The following XRCC2 variants were observed in gnomAD, a reference collection of about 807,000 sequenced individuals.
XRCC2 encodes X-ray repair cross complementing 2, also known as DNA repair protein XRCC2.
XRCC2 carries 24 observed loss-of-function variants against 27.3 expected under a neutral mutation model. The ratio of observed to expected loss-of-function variants is 0.88; its 90% confidence interval spans 0.64 to 1.24. XRCC2 has a LOEUF of 1.24. Among genes scored for constraint, XRCC2 ranks in the 50% most tolerant of loss-of-function variants. The probability of loss-of-function intolerance (pLI) is 0.00; values close to 1 mark genes in which losing one functional copy is unlikely to be tolerated. For synonymous variants in XRCC2, 106 were observed against 115.4 expected (o/e 0.92, Z 0.52); for missense variants, 321 against 325.8 (o/e 0.99, Z 0.11).
chr7:152,651,131 G>A lies in XRCC2; in HGVS notation c.122-1768C>T, dbSNP rs566718890. Among the ~76,000 whole-genome samples, 250 of 152,046 alleles carry A rather than the reference G, an allele frequency of 1.6e-3. 4 individuals are homozygous for A. Among genetic ancestry groups the A allele is most frequent in the African/African-American group, 5.6e-3 (234 of 41,510 alleles). On this transcript the variant is annotated intron_variant, in intron 2 of 2. Transcript: ENST00000359321. ...ATTTTTGTATTTTTGGTAGAGATGG[G>A]GTTTTGCCATGTTGGCCAGGCTGGT...
At chr7:152,660,441 C>T (rs963478091) in intron 2 of XRCC2, among the ~76,000 whole-genome samples, 5 of 152,214 alleles carry the variant, frequency 3.3e-5, no homozygotes, top group African/African-American at 4.8e-5. Flanking sequence ...ACTATAATAA[C>T]AGGACTTGCA....
intron 1 of XRCC2, among the ~76,000 whole-genome samples, chr7:152,667,463 T>C (rs1046471620): frequency 1.3e-5 from 2 of 151,302 alleles, no homozygotes; most frequent in African/African-American, 2.4e-5. Flanking sequence ...CGGGACTCTT[T>C]TGGGCGAAGA....
At chr7:152,674,867 A>G (rs1475257763) in intron 1 of XRCC2, among the ~76,000 whole-genome samples, 1 of 150,586 alleles carries the variant, frequency 6.6e-6, no homozygotes, top group East Asian at 1.9e-4. Context: ...TTATCAAACT[A>G]TGGCCAGCAG....
intron 2 of XRCC2, among the ~76,000 whole-genome samples, chr7:152,654,856 T>TAAC: frequency 6.6e-6 from 1 of 152,338 alleles, no homozygotes; most frequent in South Asian, 2.1e-4. Flanking sequence ...GACACATGAA[T>TAAC]TATCATTAAG....
chr7:152,653,918 G>A (rs970610816), intron 2 of XRCC2, among the ~76,000 whole-genome samples: 16 of 152,088 alleles, frequency 1.1e-4, no homozygotes, highest in African/African-American at 3.9e-4. Flanking sequence ...ATGGTAAGCC[G>A]GGCGCGGTGG....
intron 1 of XRCC2, among the ~76,000 whole-genome samples, chr7:152,668,465 G>T (rs2098036846): frequency 6.6e-6 from 1 of 152,166 alleles, no homozygotes. Context: ...CAGATTCAAG[G>T]AAAGAGTCAA....
At position 152,664,891 on chromosome 7, in the gene XRCC2, T is replaced by A. The variant is rs3218448; in HGVS notation, c.40-4109A>T. 1.8e-4 allele frequency among the ~76,000 whole-genome samples: 28 copies of A among 152,220 alleles called. No individual in the cohort carries two copies. The South Asian group carries it at 5.8e-3, about 32-fold the overall frequency. ...CAACTTCCTGATAAGATCCTAGGAA[T>A]TGAGCAAACATGTCCAGGAATGTGC... On this transcript the variant is annotated intron_variant, in intron 1 of 2. Transcript: ENST00000359321.
At chr7:152,671,545 TTATTA>T (rs2098038197) in intron 1 of XRCC2, among the ~76,000 whole-genome samples, 1 of 152,156 alleles carries the variant, frequency 6.6e-6, no homozygotes, top group African/African-American at 2.4e-5. Context: ...CCTATACTCT[TTATTA>T]TATTTTCCCT....
chr7:152,668,860 C>T (rs1175023470), intron 1 of XRCC2, among the ~76,000 whole-genome samples: 2 of 152,194 alleles, frequency 1.3e-5, no homozygotes, highest in Admixed American at 1.3e-4. Flanking sequence ...ACTGTGGGAT[C>T]AGCAGTACAT....
intron 2 of XRCC2, among the ~76,000 whole-genome samples, chr7:152,658,151 T>TC (rs1347631110): frequency 1.4e-5 from 2 of 138,474 alleles, no homozygotes; most frequent in African/African-American, 5.2e-5. Context: ...TTTCTTTTTC[T>TC]TTTTTTTTTT....
rs2116987897 is a variant in XRCC2, at chr7:152,649,067, G to A, written c.418C>T (p.His140Tyr). The A allele has an allele frequency of 3.1e-6, 5 of 1,614,166 alleles. No homozygotes were observed. The highest frequency in any genetic ancestry group is 4.2e-6 in the Non-Finnish European group (5 of 1,180,040). ...LYSLESMFCS[H>Y]PSLCLLILDS... ...AAAATCAAAAGGCAGAGAGATGGGT[G>A]ACTACAAAACATACTTTCTAGTGAG... The change falls in exon 3 of 3, where the codon CAC becomes TAC. Residue 140 changes from histidine to tyrosine, a missense_variant. His to Tyr is a moderately conservative substitution (Grantham distance 83, BLOSUM62 2). Coordinates refer to ENST00000359321, the MANE Select transcript of XRCC2 (RefSeq NM_005431.2).
At chr7:152,669,990 A>C (rs1021236576) in intron 1 of XRCC2, among the ~76,000 whole-genome samples, 2 of 152,012 alleles carry the variant, frequency 1.3e-5, no homozygotes, top group African/African-American at 4.8e-5. Context: ...AGAAATACAC[A>C]TGGGGCATTG....
chr7:152,651,243 CTTATTA>C (rs770048151), intron 2 of XRCC2, among the ~76,000 whole-genome samples: 1 of 151,936 alleles, frequency 6.6e-6, no homozygotes, highest in African/African-American at 2.4e-5. Context: ...CCTGGCCTTT[CTTATTA>C]TTATCAACAA....
chr7:152,667,710 C>T (rs1343330584), intron 1 of XRCC2, among the ~76,000 whole-genome samples: 1 of 151,984 alleles, frequency 6.6e-6, no homozygotes, highest in Non-Finnish European at 1.5e-5. Flanking sequence ...ATTAACAATT[C>T]ACAAGCCAAG....
intron 2 of XRCC2, among the ~76,000 whole-genome samples, 191 bp from the exon 3 acceptor site, chr7:152,649,554 G>A (rs1240849091): frequency 6.6e-6 from 1 of 152,162 alleles, no homozygotes; most frequent in Admixed American, 6.5e-5. Flanking sequence ...GGGAAGGTTG[G>A]AAGAGGCTAG....
intron 2 of XRCC2, among the ~76,000 whole-genome samples, chr7:152,659,050 G>A (rs1040353224): frequency 6.6e-6 from 1 of 151,958 alleles, no homozygotes; most frequent in Non-Finnish European, 1.5e-5. Flanking sequence ...CCTCCATACT[G>A]TTTTCCATAA....
chr7:152,660,824 AT>A, intron 1 of XRCC2, 42 bp from the exon 2 acceptor site: 1 of 1,503,958 alleles, frequency 6.6e-7, no homozygotes. Flanking sequence ...ATTTAAAAAT[AT>A]AAAATCCTAG....
rs2098025040 is a variant in XRCC2, at chr7:152,644,862, TG to T, written c.*3779del. On this transcript the variant is annotated 3_prime_UTR_variant, in exon 3 of 3. Transcript: ENST00000359321. ...GCTGAAAATGTCAAATCCTGGAAAA[TG>T]TAGTATTCCTACACGTGATGTTAAC... The T allele has an allele frequency of 6.6e-6, 1 of 152,196 alleles. No individual in the cohort carries two copies. The highest frequency in any genetic ancestry group is 2.4e-5 in the African/African-American group (1 of 41,440). The allele number at this position is 152,196 out of a possible 1,614,324, so 9.4% of individuals were successfully genotyped here. A position where few individuals can be genotyped will look rare whatever the true frequency, so the allele number is the denominator to read the frequency against.
chr7:152,666,620 A>C (rs796468392), intron 1 of XRCC2, among the ~76,000 whole-genome samples: 4 of 142,222 alleles, frequency 2.8e-5, no homozygotes, highest in African/African-American at 2.6e-5. Flanking sequence ...CAGATTCTTT[A>C]TTTTTTTTTT....
Sources: gnomAD v4.1 joint callset for allele counts (sites outside exome capture counted in the v4.1 genomes callset) on GRCh38, gnomAD v4.1.1 for gene constraint, MANE v1.5 for transcripts, NCBI Gene and HGNC (gene_info 2026-07-23, HGNC 2026-07-21) for gene names.